The following TTC39A variants were observed in gnomAD, a reference collection of about 807,000 sequenced individuals.
TTC39A encodes the protein tetratricopeptide repeat domain 39A.
A neutral mutation model predicts 82.3 loss-of-function variants in TTC39A; 46 were observed. The observed-to-expected ratio is 0.56, with a 90% CI of 0.44 to 0.71. The LOEUF is 0.71. Among genes scored for constraint, TTC39A ranks in the 30% least tolerant of loss-of-function variants. The pLI is 0.00. For synonymous variants in TTC39A, 254 were observed against 275.2 expected, an observed-to-expected ratio of 0.92 and a Z score of 0.76; for missense variants, 543 against 712.9, an observed-to-expected ratio of 0.76 and a Z score of 2.71.
At position 51,288,044 on chromosome 1, in the gene TTC39A, A is replaced by G; in HGVS notation, c.*113T>C. On this transcript the variant is annotated 3_prime_UTR_variant, in exon 18 of 18. Coordinates refer to ENST00000680483, the MANE Select transcript of TTC39A (RefSeq NM_001297663.2). This position sits in a 1 kb window ranked among gnomAD's most constrained non-coding sequence, Gnocchi z 4.8. The stretch of plus-strand genomic sequence containing the variant: ...ACACTATGTTGTGCCATCCAACTGG[A>G]GTGCCGGTGGACCCCAAAGGCAGGG... The G allele has an allele frequency of 2.1e-6, 3 of 1,460,130 alleles. No individual in the cohort carries two copies. The South Asian group carries it at 4.0e-5, about 19-fold the overall frequency. The allele number at this position is 1,460,130 out of a possible 1,614,324, so 90.4% of individuals were successfully genotyped here. A position where few individuals can be genotyped will look rare whatever the true frequency, so the allele number is the denominator to read the frequency against.
intron 9 of TTC39A, 101 bp from the exon 10 acceptor site, chr1:51,302,674 C>T: frequency 3.1e-6 from 4 of 1,283,726 alleles, no homozygotes; most frequent in East Asian, 2.5e-5. Context: ...TCCCCCTCCC[C>T]CTCTGTGAAA....
intron 1 of TTC39A, among the ~76,000 whole-genome samples, chr1:51,340,422 G>C (rs1049880154): frequency 2.0e-5 from 3 of 152,262 alleles, no homozygotes; most frequent in South Asian, 2.1e-4. Context: ...GAATGGGCAG[G>C]GTGCTCCAAA....
chr1:51,311,261 A>G lies in TTC39A; in HGVS notation c.416T>C (p.Phe139Ser). The G allele has an allele frequency of 6.3e-7, 1 of 1,582,506 alleles. No homozygotes were observed. The change falls in exon 5 of 18, where the codon TTC (phenylalanine) becomes TCC (serine). Residue 139 changes from phenylalanine to serine, a missense_variant. Physicochemically the swap from Phe to Ser is radical, Grantham distance 155. Coordinates refer to ENST00000680483, the MANE Select transcript of TTC39A (RefSeq NM_001297663.2). ...ECLLQRAALT[F>S]LQDENMVSFI... is the part of the protein sequence containing the mutation. ...ACAAGTGGGGGTCCCTACCTGCAGG[A>G]AGGTCAGGGCTGCTCGCTGCAGCAG...
At chr1:51,290,390 G>T in intron 15 of TTC39A, 124 bp downstream of exon 15, 1 of 904,734 alleles carries the variant, frequency 1.1e-6, no homozygotes, top group Non-Finnish European at 1.7e-6. Context: ...GAGGAGCTCA[G>T]TCTAGAGAGA....
At chr1:51,345,061 G>A (rs1175402342) in exon 1 of TTC39A, 2 of 1,387,540 alleles carry the variant, frequency 1.4e-6, no homozygotes, top group Non-Finnish European at 1.9e-6. Flanking sequence ...GGCCGGGCTC[G>A]GACGGGGCCG....
At chr1:51,337,633 G>A (rs1441646990) in intron 1 of TTC39A, among the ~76,000 whole-genome samples, 1 of 151,582 alleles carries the variant, frequency 6.6e-6, no homozygotes, top group Non-Finnish European at 1.5e-5. Context: ...CACCATGTTG[G>A]CCAGGCTGGT....
At chr1:51,322,237 A>G (rs985900256) in intron 1 of TTC39A, 2 of 1,497,070 alleles carry the variant, frequency 1.3e-6, no homozygotes, top group Non-Finnish European at 1.8e-6. Context: ...CTCCTTCTCC[A>G]AGGCCTCCTC....
intron 1 of TTC39A, among the ~76,000 whole-genome samples, chr1:51,341,954 A>G (rs926167611): frequency 6.6e-6 from 1 of 152,180 alleles, no homozygotes; most frequent in East Asian, 1.9e-4. Context: ...AATTCTGACT[A>G]CAGCAGTCCT....
Position 51,294,043 on chromosome 1 carries a change from C to T in TTC39A, c.1266+348G>A, listed in dbSNP as rs1030523371. Among the ~76,000 whole-genome samples, 6 of 152,118 alleles carry T rather than the reference C, an allele frequency of 3.9e-5. No individual in the cohort carries two copies. Among genetic ancestry groups the T allele is most frequent in the African/African-American group, 7.2e-5 (3 of 41,420 alleles). ...AAAAGGTTGGCCGAGTGAGGGGGAC[C>T]GTGAAAACAATTATAATCATTGTGA... On this transcript the variant is annotated intron_variant, in intron 14 of 17. Transcript: ENST00000680483. This position sits in a 1 kb window ranked among gnomAD's most constrained non-coding sequence, Gnocchi z 4.3.
chr1:51,337,377 C>G (rs1645987605), intron 1 of TTC39A, among the ~76,000 whole-genome samples: 1 of 151,900 alleles, frequency 6.6e-6, no homozygotes, highest in Non-Finnish European at 1.5e-5. Context: ...CGGGTCTCAG[C>G]TCAAATATCA....
At chr1:51,319,121 C>T (rs1645399487) in intron 2 of TTC39A, among the ~76,000 whole-genome samples, 1 of 151,964 alleles carries the variant, frequency 6.6e-6, no homozygotes, top group Non-Finnish European at 1.5e-5. Context: ...GTCCTAAGGG[C>T]CTCATATTCC....
intron 1 of TTC39A, chr1:51,322,203 A>C: frequency 2.0e-6 from 3 of 1,528,706 alleles, no homozygotes; most frequent in Non-Finnish European, 1.8e-6. Context: ...CCAGCCACTA[A>C]ATCCCACAGC....
At position 51,321,703 on chromosome 1, in the gene TTC39A, C is replaced by A. The variant is rs940923551; in HGVS notation, c.146+18G>T. ...CCGTCATGCACACCCCCTACCCCAA[C>A]CGGGGCTTGAGCCTCACCTGGGCTT... On this transcript the variant is annotated intron_variant, in intron 2 of 17. Coordinates refer to ENST00000680483, the MANE Select transcript of TTC39A (RefSeq NM_001297663.2). The surrounding 1 kb of genome is among the most constrained non-coding windows in gnomAD (Gnocchi z 4.6). 3 of 1,611,830 alleles carry A rather than the reference C, an allele frequency of 1.9e-6. No homozygotes were observed. The African/African-American group carries it at 4.0e-5, about 22-fold the overall frequency.
At position 51,344,962 on chromosome 1, in the gene TTC39A, T is replaced by G. The variant is rs376085397; in HGVS notation, c.53+29A>C. Reference sequence around the variant, plus strand: ...CGGCCCCTTGGTCCCGTCCGCGCCTTCCGCCGAGTCCCCACCCCTGCCCGG... The same window carrying G: ...CGGCCCCTTGGTCCCGTCCGCGCCTGCCGCCGAGTCCCCACCCCTGCCCGG... On this transcript the variant is annotated intron_variant, in intron 1 of 5. Transcript: ENST00000401051. 2,624 of 1,525,394 alleles carry G rather than the reference T, an allele frequency of 1.7e-3. 41 individuals carry two copies. In the African/African-American group the frequency reaches 0.033, roughly 19 times the overall value. The allele number at this position is 1,525,394 out of a possible 1,614,324, so 94.5% of individuals were successfully genotyped here.
intron 2 of TTC39A, among the ~76,000 whole-genome samples, chr1:51,320,162 A>G (rs1353365692): frequency 6.6e-6 from 1 of 152,164 alleles, no homozygotes; most frequent in African/African-American, 2.4e-5. Context: ...TGAGGGGGGT[A>G]CTGAGTGCTT....
At chr1:51,337,872 AGGT>A (rs1645993782) in intron 1 of TTC39A, among the ~76,000 whole-genome samples, 2 of 152,022 alleles carry the variant, frequency 1.3e-5, no homozygotes, top group Admixed American at 1.3e-4. Context: ...TAAGTTCCAC[AGGT>A]AGGGCTTTTG....
Position 51,320,154 on chromosome 1 carries a change from A to T in TTC39A, c.146+1567T>A, listed in dbSNP as rs546941173. On this transcript the variant is annotated intron_variant, in intron 2 of 17. Coordinates refer to ENST00000680483, the MANE Select transcript of TTC39A (RefSeq NM_001297663.2). ...CCAAGGATAGGTTTCCAGGAAAATG[A>T]GGGGGGTACTGAGTGCTTACTTGAT... 4.6e-5 allele frequency among the ~76,000 whole-genome samples: 7 copies of T among 152,250 alleles called. No homozygotes were observed. The East Asian group carries it at 1.4e-3, about 29-fold the overall frequency.
At chr1:51,306,635 C>T (rs1644877847) in intron 6 of TTC39A, among the ~76,000 whole-genome samples, 1 of 152,240 alleles carries the variant, frequency 6.6e-6, no homozygotes, top group African/African-American at 2.4e-5. Flanking sequence ...GAATTCAACT[C>T]TATTTCTCCT....
intron 2 of TTC39A, among the ~76,000 whole-genome samples, chr1:51,319,615 A>C (rs1380520512): frequency 6.6e-6 from 1 of 152,228 alleles, no homozygotes; most frequent in African/African-American, 2.4e-5. Flanking sequence ...AGAACACTGA[A>C]GCAAGGTATT....
Sources: allele counts gnomAD v4.1 joint callset (sites outside exome capture counted in the v4.1 genomes callset), GRCh38; gene constraint gnomAD v4.1.1; non-coding constraint Gnocchi (gnomAD v3.1); transcripts MANE v1.5; gene names NCBI Gene and HGNC (gene_info 2026-07-23, HGNC 2026-07-21).